The following AKAP6 variants were observed in gnomAD, a reference collection of about 807,000 sequenced individuals.
AKAP6 encodes the protein A-kinase anchor protein 6.
Under a neutral mutation model 188.5 loss-of-function variants are expected in AKAP6, and 58 were observed. That is an observed-to-expected ratio of 0.31 (90% CI 0.25 to 0.38). The LOEUF (loss-of-function observed/expected upper bound fraction) is 0.38, where lower values mean the gene tolerates loss of function less well. Among genes scored for constraint, AKAP6 ranks in the 10% least tolerant of loss-of-function variants. The probability of loss-of-function intolerance (pLI) is 1.00; values close to 1 mark genes in which losing one functional copy is unlikely to be tolerated. For missense variants in AKAP6, 2,710 were observed against 2,740.0 expected (o/e 0.99, Z 0.24); for synonymous variants, 989 against 998.6 (o/e 0.99, Z 0.18).
At chr14:32,576,601 C>T (rs2139264136) in intron 4 of AKAP6, among the ~76,000 whole-genome samples, 1 of 152,280 alleles carries the variant, frequency 6.6e-6, no homozygotes, top group East Asian at 1.9e-4. Flanking sequence ...GTGGACAGAA[C>T]TCGTCCAAGG....
chr14:32,556,573 G>A (rs1883697679), intron 4 of AKAP6, among the ~76,000 whole-genome samples: 1 of 152,090 alleles, frequency 6.6e-6, no homozygotes, highest in Non-Finnish European at 1.5e-5. Flanking sequence ...AAACTCCTGG[G>A]CTCAAGCAAT....
In AKAP6 at chr14:32,761,441, A is replaced by G. The variant is rs188302308; in HGVS notation, c.3373-12237A>G. On this transcript the variant is annotated intron_variant, in intron 11 of 13. Transcript: ENST00000280979. ...AGGAGTGGCTTGTTAGAAAATTAAG[A>G]ATATATTAGCTAAAAATAAGTCTGG... Among the ~76,000 whole-genome samples, 134 of 152,308 alleles carry G rather than the reference A, an allele frequency of 8.8e-4. 1 individual carries two copies. The highest frequency in any genetic ancestry group is 2.8e-3 in the African/African-American group (117 of 41,576).
intron 8 of AKAP6, among the ~76,000 whole-genome samples, chr14:32,680,019 G>A (rs1365242615): frequency 1.3e-5 from 2 of 152,136 alleles, no homozygotes; most frequent in African/African-American, 4.8e-5. Context: ...AAAAGCCCTG[G>A]GGTTTGAGCA....
intron 12 of AKAP6, among the ~76,000 whole-genome samples, chr14:32,800,849 T>C (rs1490856192): frequency 6.6e-6 from 1 of 151,876 alleles, no homozygotes; most frequent in African/African-American, 2.4e-5. Flanking sequence ...AACCCATCTA[T>C]GCAAAAAAAA....
intron 9 of AKAP6, among the ~76,000 whole-genome samples, chr14:32,712,638 A>G (rs569406595): frequency 6.6e-6 from 1 of 152,250 alleles, no homozygotes; most frequent in East Asian, 1.9e-4. Flanking sequence ...TTCCATCTCA[A>G]GAAACTACTA....
At chr14:32,514,375 G>A (rs1881413934) in intron 2 of AKAP6, among the ~76,000 whole-genome samples, 1 of 152,134 alleles carries the variant, frequency 6.6e-6, no homozygotes, top group South Asian at 2.1e-4. Context: ...TATTTATGTG[G>A]GGGAGGAAGG....
intron 7 of AKAP6, among the ~76,000 whole-genome samples, chr14:32,657,157 T>A (rs1888488720): frequency 6.6e-6 from 1 of 152,140 alleles, no homozygotes; most frequent in Non-Finnish European, 1.5e-5. Context: ...CTGGCTCTGA[T>A]TTGACATAGG....
At chr14:32,455,864 A>G (rs999989912) in intron 2 of AKAP6, among the ~76,000 whole-genome samples, 2 of 152,176 alleles carry the variant, frequency 1.3e-5, no homozygotes, top group African/African-American at 4.8e-5. Context: ...TATAAATCCT[A>G]AACAAATGAC....
At chr14:32,490,559 G>A (rs1046964602) in intron 2 of AKAP6, among the ~76,000 whole-genome samples, 1 of 152,090 alleles carries the variant, frequency 6.6e-6, no homozygotes, top group African/African-American at 2.4e-5. Flanking sequence ...CCTCTGAAGT[G>A]GTCCTTTAGA....
intron 12 of AKAP6, among the ~76,000 whole-genome samples, chr14:32,780,256 A>G (rs1023383658): frequency 6.6e-6 from 1 of 151,794 alleles, no homozygotes; most frequent in African/African-American, 2.4e-5. Context: ...AACATGGATG[A>G]AACTGGAGGA....
intron 2 of AKAP6, among the ~76,000 whole-genome samples, chr14:32,445,503 G>T (rs567992101): frequency 3.9e-5 from 6 of 152,188 alleles, no homozygotes; most frequent in African/African-American, 1.4e-4. Context: ...CTCCTGAGTA[G>T]CTGGGACTAC....
intron 1 of AKAP6, among the ~76,000 whole-genome samples, chr14:32,357,312 T>G (rs1401311949): frequency 6.6e-6 from 1 of 152,216 alleles, no homozygotes; most frequent in Non-Finnish European, 1.5e-5. Context: ...GTCGAGGAAC[T>G]GTTGCTGTGC....
chr14:32,409,279 C>T (rs888192721), intron 1 of AKAP6, among the ~76,000 whole-genome samples: 1 of 152,152 alleles, frequency 6.6e-6, no homozygotes, highest in African/African-American at 2.4e-5. Context: ...ATGCCAGCTA[C>T]CTAGATGACT....
rs570388690 is a variant in AKAP6, at chr14:32,578,478, T to C, written c.2469+1236T>C. 3.9e-5 allele frequency among the ~76,000 whole-genome samples: 6 copies of C among 152,230 alleles called. No homozygotes were observed. The East Asian group carries it at 1.2e-3, about 29-fold the overall frequency. On this transcript the variant is annotated intron_variant, in intron 5 of 13. Coordinates refer to ENST00000280979, the MANE Select transcript of AKAP6 (RefSeq NM_004274.5). The stretch of plus-strand genomic sequence containing the variant: ...TACATGGGTTTTTATATACTGTCCT[T>C]AGTACTCATTTCCCTGTTGAGTAGA...
At chr14:32,685,715 AC>A (rs1889892172) in intron 8 of AKAP6, among the ~76,000 whole-genome samples, 1 of 123,750 alleles carries the variant, frequency 8.1e-6, no homozygotes, top group African/African-American at 3.1e-5. Context: ...ACAGAGCGAG[AC>A]TCCATCTCAA....
chr14:32,728,389 T>G (rs938445089), intron 9 of AKAP6, among the ~76,000 whole-genome samples: 3 of 151,358 alleles, frequency 2.0e-5, no homozygotes, highest in African/African-American at 7.3e-5. Context: ...TATCTATCTA[T>G]CTATCAATCG....
At chr14:32,509,872 A>G (rs956360140) in intron 2 of AKAP6, among the ~76,000 whole-genome samples, 1 of 152,030 alleles carries the variant, frequency 6.6e-6, no homozygotes, top group Non-Finnish European at 1.5e-5. Context: ...CTTGGTGTCT[A>G]TTTACGTTTG....
chr14:32,729,339 T>C (rs1243094588), intron 9 of AKAP6, among the ~76,000 whole-genome samples: 19 of 152,188 alleles, frequency 1.2e-4, no homozygotes, highest in Admixed American at 1.2e-3. Context: ...AAAAAAGTTA[T>C]CTCAATCAAG....
At chr14:32,697,243 C>T (rs1890440662) in intron 9 of AKAP6, among the ~76,000 whole-genome samples, 1 of 151,990 alleles carries the variant, frequency 6.6e-6, no homozygotes, top group African/African-American at 2.4e-5. Context: ...TTAGTGTCCC[C>T]TAGGAATCAT....
Sources: allele counts gnomAD v4.1 joint callset (sites outside exome capture counted in the v4.1 genomes callset), GRCh38; gene constraint gnomAD v4.1.1; transcripts MANE v1.5; gene names NCBI Gene and HGNC (gene_info 2026-07-23, HGNC 2026-07-21).